Variants in FAM89A observed in about 807,000 individuals in gnomAD.
FAM89A encodes family with sequence similarity 89 member A.
Under a neutral mutation model 7.1 loss-of-function variants are expected in FAM89A, and 10 were observed. That is an observed-to-expected ratio of 1.40 (90% CI 0.86 to 2.38). The LOEUF (loss-of-function observed/expected upper bound fraction) is 2.38, where lower values mean the gene tolerates loss of function less well. FAM89A is among the 30% of genes most tolerant of loss of function. The pLI, the probability that FAM89A is intolerant of heterozygous loss-of-function variation, is 0.00. For missense variants in FAM89A, 276 were observed against 262.8 expected, an observed-to-expected ratio of 1.05 and a Z score of -0.35; for synonymous variants, 157 against 129.3, an observed-to-expected ratio of 1.21 and a Z score of -1.45.
At chr1:231,022,556 G>A (rs182445606) in intron 1 of FAM89A, among the ~76,000 whole-genome samples, 3 of 152,186 alleles carry the variant, frequency 2.0e-5, no homozygotes, top group African/African-American at 7.2e-5. Context: ...TCTGCCGGTC[G>A]ACCAATCTGC....
In FAM89A at chr1:231,040,058, G is replaced by C; in HGVS notation, c.154C>G (p.Arg52Gly). 6.9e-7 allele frequency: 1 copy of C among 1,446,892 alleles called. No homozygotes were observed. Among genetic ancestry groups the C allele is most frequent in the South Asian group, 1.4e-5 (1 of 73,390 alleles). 89.6% of individuals were successfully genotyped at this position (1,446,892 alleles called of 1,614,324 possible). A position where few individuals can be genotyped will look rare whatever the true frequency, so the allele number is the denominator to read the frequency against. ...ATGCGCGACTTCTGCGCGTACAGCC[G>C]CTCCAGGTGCCGCCAGCCCCCAGAC... ...GASGGWRHLE[R>G]LYAQKSRIQD... The change falls in exon 1 of 2, where the codon CGG becomes GGG. Residue 52 changes from arginine (R) to glycine (G), a missense_variant. Transcript: ENST00000366654.
At chr1:231,027,357 G>T (rs534531062) in intron 1 of FAM89A, among the ~76,000 whole-genome samples, 1 of 152,164 alleles carries the variant, frequency 6.6e-6, no homozygotes, top group Non-Finnish European at 1.5e-5. Flanking sequence ...AATCCTGACC[G>T]CCTAGGAATA....
At chr1:231,027,382 A>C (rs1244663487) in intron 1 of FAM89A, among the ~76,000 whole-genome samples, 1 of 152,316 alleles carries the variant, frequency 6.6e-6, no homozygotes, top group East Asian at 1.9e-4. Flanking sequence ...GCAGCCCCGC[A>C]CACACCTATT....
chr1:231,037,267 T>C (rs1402761988), intron 1 of FAM89A, among the ~76,000 whole-genome samples: 1 of 152,220 alleles, frequency 6.6e-6, no homozygotes, highest in African/African-American at 2.4e-5. Context: ...AGATACTATA[T>C]AGAAAGCACT....
At chr1:231,038,605 G>A (rs1362968664) in intron 1 of FAM89A, among the ~76,000 whole-genome samples, 1 of 152,112 alleles carries the variant, frequency 6.6e-6, no homozygotes, top group African/African-American at 2.4e-5. Context: ...AATTAAAAAC[G>A]GTTGGCTTGG....
At position 231,019,668 on chromosome 1, in the gene FAM89A, A is replaced by G; in HGVS notation, c.*195T>C. The G allele has an allele frequency of 3.3e-6, 2 of 613,262 alleles. No individual in the cohort carries two copies. Among genetic ancestry groups the G allele is most frequent in the Non-Finnish European group, 5.7e-6 (2 of 353,540 alleles). 38.0% of individuals were successfully genotyped at this position (613,262 alleles called of 1,614,324 possible). A position where few individuals can be genotyped will look rare whatever the true frequency, so the allele number is the denominator to read the frequency against. ...GGACCTCTAGGTCACCTAAGCAGAA[A>G]CTGCTGCCATCAAAGCAGACTGCCA... On this transcript the variant is annotated 3_prime_UTR_variant, in exon 2 of 2. Transcript: ENST00000366654.
chr1:231,034,771 TCAAAAA>T (rs774213734), intron 1 of FAM89A, among the ~76,000 whole-genome samples: 1 of 87,900 alleles, frequency 1.1e-5, no homozygotes, highest in Non-Finnish European at 2.4e-5. Context: ...AAACTCTGTC[TCAAAAA>T]AAAAAAAAAA....
chr1:231,030,460 C>T (rs1192377400), intron 1 of FAM89A, among the ~76,000 whole-genome samples: 1 of 152,236 alleles, frequency 6.6e-6, no homozygotes, highest in Non-Finnish European at 1.5e-5. Context: ...CTCAGAAGGA[C>T]ATTCTTGTTT....
At position 231,019,790 on chromosome 1, in the gene FAM89A, A is replaced by C; in HGVS notation, c.*73T>G. The stretch of plus-strand genomic sequence containing the variant: ...TCCACAACGGAGGTGCTTTCTTGCA[A>C]GAGAAGCAGCAAATGATGACAGCGT... On this transcript the variant is annotated 3_prime_UTR_variant, in exon 2 of 2. Transcript: ENST00000366654. 8 of 1,531,142 alleles carry C rather than the reference A, an allele frequency of 5.2e-6. No individual in the cohort carries two copies. The highest frequency in any genetic ancestry group is 7.1e-6 in the Non-Finnish European group (8 of 1,128,020). The allele number at this position is 1,531,142 out of a possible 1,614,324, so 94.8% of individuals were successfully genotyped here.
rs768536088 is a variant in FAM89A at position 231,040,154 on chromosome 1, G to C, written c.58C>G (p.Arg20Gly). 7.7e-7 allele frequency: 1 copy of C among 1,298,578 alleles called. No individual in the cohort carries two copies. Among genetic ancestry groups the C allele is most frequent in the South Asian group, 2.1e-5 (1 of 48,432 alleles). 80.4% of individuals were successfully genotyped at this position (1,298,578 alleles called of 1,614,324 possible). ...GGCAGCGGGGGCAGCCCGTCCACCCGCAGCCCCCGGACCGCGCCGTTGCCC... is the reference window on the plus strand; with the variant it reads ...GGCAGCGGGGGCAGCCCGTCCACCCCCAGCCCCCGGACCGCGCCGTTGCCC... ...AAGNGAVRGL[R>G]VDGLPPLPKS... Residue 20 changes from arginine (R) to glycine (G), a missense_variant, in exon 1 of 2, where the codon CGG becomes GGG. By Grantham distance (125) the Arg-to-Gly change is moderately radical. Transcript: ENST00000366654.
chr1:231,034,217 C>G (rs1367573586), intron 1 of FAM89A, among the ~76,000 whole-genome samples: 2 of 152,082 alleles, frequency 1.3e-5, no homozygotes, highest in Non-Finnish European at 2.9e-5. Context: ...GGTGACAGGC[C>G]CCGCACGTGT....
intron 1 of FAM89A, among the ~76,000 whole-genome samples, chr1:231,029,580 G>C (rs773386081): frequency 6.6e-6 from 1 of 152,200 alleles, no homozygotes; most frequent in Non-Finnish European, 1.5e-5. Context: ...AGATCTGCAG[G>C]ACTCTGAAAT....
rs144719980 is a variant in FAM89A, at chr1:231,024,333, T to G, written c.292-4207A>C. Among the ~76,000 whole-genome samples, 956 of 152,260 alleles carry G rather than the reference T, an allele frequency of 6.3e-3. 12 individuals carry two copies. The highest frequency in any genetic ancestry group is 0.022 in the African/African-American group (911 of 41,538). ...ATAAGATTTTCCACATAAGATAGTA[T>G]GGCTTTCACAAAAGGAAGCTGAGGC... On this transcript the variant is annotated intron_variant, in intron 1 of 1. Coordinates refer to ENST00000366654, the MANE Select transcript of FAM89A (RefSeq NM_198552.3).
chr1:231,028,098 C>T (rs1680004541), intron 1 of FAM89A, among the ~76,000 whole-genome samples: 1 of 152,230 alleles, frequency 6.6e-6, no homozygotes, highest in South Asian at 2.1e-4. Flanking sequence ...TCCCAGAGAA[C>T]ACGTAGCCGC....
chr1:231,021,574 C>T (rs982284669), intron 1 of FAM89A: 1 of 1,255,402 alleles, frequency 8.0e-7, no homozygotes, highest in African/African-American at 1.5e-5. Context: ...AGATCACTTC[C>T]TTTTCTGTTA....
rs1460490558 is a variant in FAM89A at position 231,022,271 on chromosome 1, T to C, written c.292-2145A>G. On this transcript the variant is annotated intron_variant, in intron 1 of 1. Transcript: ENST00000366654. Reference sequence around the variant, plus strand: ...CATTTTCCTGAGCTCAAAAAGACTGTTTTGAAACCCACGTCTGATATGTAA... The same window carrying C: ...CATTTTCCTGAGCTCAAAAAGACTGCTTTGAAACCCACGTCTGATATGTAA... 8 of 760,332 alleles carry C rather than the reference T, an allele frequency of 1.1e-5. No individual in the cohort carries two copies. The Admixed American group carries it at 1.5e-4, about 14-fold the overall frequency. 47.1% of individuals were successfully genotyped at this position (760,332 alleles called of 1,614,324 possible). A position where few individuals can be genotyped will look rare whatever the true frequency, so the allele number is the denominator to read the frequency against.
intron 1 of FAM89A, among the ~76,000 whole-genome samples, chr1:231,024,914 CTTTTTTTT>C (rs60500715): frequency 7.9e-5 from 5 of 63,420 alleles, no homozygotes; most frequent in Admixed American, 1.8e-4. Flanking sequence ...CACAACTACT[CTTTTTTTT>C]TTTTTTTTTT....
intron 1 of FAM89A, among the ~76,000 whole-genome samples, chr1:231,033,182 G>A (rs1227790040): frequency 1.3e-5 from 2 of 152,202 alleles, no homozygotes; most frequent in Non-Finnish European, 2.9e-5. Flanking sequence ...CAAACATTAG[G>A]AACACGTGGG....
intron 1 of FAM89A, among the ~76,000 whole-genome samples, chr1:231,035,012 T>C (rs1680137365): frequency 6.6e-6 from 1 of 152,182 alleles, no homozygotes; most frequent in African/African-American, 2.4e-5. Flanking sequence ...TCAAGAATGC[T>C]GCACTAGGAG....
Sources: gnomAD v4.1 joint callset for allele counts (sites outside exome capture counted in the v4.1 genomes callset) on GRCh38, gnomAD v4.1.1 for gene constraint, MANE v1.5 for transcripts, NCBI Gene and HGNC (gene_info 2026-07-23, HGNC 2026-07-21) for gene names.